Variants in MXRA8 observed in about 807,000 individuals in gnomAD.
The protein encoded by MXRA8 is matrix remodeling associated 8.
A neutral mutation model predicts 51.4 loss-of-function variants in MXRA8; 44 were observed. That is an observed-to-expected ratio of 0.86 (90% CI 0.67 to 1.10). MXRA8 has a LOEUF of 1.10. Among genes scored for constraint, MXRA8 ranks in the 50% least tolerant of loss-of-function variants. MXRA8 has a pLI of 0.00. For synonymous variants in MXRA8, 369 were observed against 293.5 expected (o/e 1.26, Z -2.63); for missense variants, 765 against 638.9 (o/e 1.20, Z -2.13).
chr1:1,354,811 G>A lies in MXRA8; in HGVS notation c.820C>T (p.Leu274=), dbSNP rs760888602. The A allele has an allele frequency of 1.2e-6, 2 of 1,612,154 alleles. No individual in the cohort carries two copies. The highest frequency in any genetic ancestry group is 2.7e-5 in the African/African-American group (2 of 74,916). The change falls in exon 5 of 10, where the codon CTG becomes TTG. Residue 274 remains leucine (L), a synonymous_variant. Coordinates refer to ENST00000309212, the MANE Select transcript of MXRA8 (RefSeq NM_032348.4). ...VADEGTYSCH[L]HHHYCGLHER... ...TGCAGGCCACAGTAATGGTGGTGCA[G>A]GTGGCAGGAGTAGGTGCCCTCGTCG...
upstream of MXRA8, chr1:1,358,761 G>T: frequency 7.9e-7 from 1 of 1,270,352 alleles, no homozygotes; most frequent in Non-Finnish European, 1.0e-6. Flanking sequence ...GGTGGTGACC[G>T]CACCCTTGGA....
At chr1:1,355,997 A>G (rs1291384969) in intron 2 of MXRA8, among the ~76,000 whole-genome samples, 1 of 12,042 alleles carries the variant, frequency 8.3e-5, no homozygotes, top group African/African-American at 3.9e-4. Context: ...GGGAGGGTGA[A>G]TCAGTGGGGG....
upstream of MXRA8, among the ~76,000 whole-genome samples, chr1:1,360,507 T>TGGGCGGGGTGGGGGGC (rs75605518): frequency 2.7e-5 from 4 of 147,740 alleles, no homozygotes; most frequent in Non-Finnish European, 6.0e-5. Context: ...CGCTGGGGGG[T>TGGGCGGGGTGGGGGGC]GGTCTGCAGA....
Position 1,353,429 on chromosome 1 carries a change from A to C in MXRA8, c.*175T>G. On this transcript the variant is annotated 3_prime_UTR_variant, in exon 10 of 10. Coordinates refer to ENST00000309212, the MANE Select transcript of MXRA8 (RefSeq NM_032348.4). ...CCGCAGGGGTGGGGGCTATGCTGCC[A>C]CCAAGCCCCTGGGAGAGGGGTGTGG... 6.6e-7 allele frequency: 1 copy of C among 1,513,456 alleles called. No individual in the cohort carries two copies. Among genetic ancestry groups the C allele is most frequent in the Non-Finnish European group, 8.9e-7 (1 of 1,127,232 alleles). The allele number at this position is 1,513,456 out of a possible 1,614,324, so 93.8% of individuals were successfully genotyped here.
chr1:1,361,061 T>C (rs572077331), upstream of MXRA8, among the ~76,000 whole-genome samples: 3 of 144,178 alleles, frequency 2.1e-5, no homozygotes, highest in African/African-American at 5.3e-5. Flanking sequence ...CACAGATACA[T>C]GGAAACACGA....
chr1:1,363,393 G>C (rs903062206), upstream of MXRA8, among the ~76,000 whole-genome samples: 1 of 151,648 alleles, frequency 6.6e-6, no homozygotes, highest in African/African-American at 2.4e-5. Flanking sequence ...GCGATCCTCG[G>C]CCTCTCAAAG....
chr1:1,359,988 A>G (rs1011852569), upstream of MXRA8, among the ~76,000 whole-genome samples: 1 of 152,176 alleles, frequency 6.6e-6, no homozygotes, highest in Non-Finnish European at 1.5e-5. Flanking sequence ...TGGCCTCTGC[A>G]GTCTCTGTCT....
chr1:1,362,255 G>A (rs2649612), upstream of MXRA8, among the ~76,000 whole-genome samples: 147,822 of 152,340 alleles, frequency 0.97, 71,762 homozygotes, highest in African/African-American at 0.99. Context: ...ACAGAGTCAG[G>A]ACACTGCTGA....
intron 6 of MXRA8, 21 bp downstream of exon 6, chr1:1,354,333 G>C (rs756657973): frequency 6.2e-7 from 1 of 1,605,020 alleles, no homozygotes; most frequent in Admixed American, 1.7e-5. Context: ...GGGGCCGCTG[G>C]CTTTGCCGGG....
upstream of MXRA8, among the ~76,000 whole-genome samples, chr1:1,361,025 CAT>C (rs1339755789): frequency 1.1e-4 from 17 of 151,396 alleles, no homozygotes; most frequent in Non-Finnish European, 1.8e-4. Context: ...GACACATACA[CAT>C]GCATGCACAT....
chr1:1,361,016 A>T (rs1644215541), upstream of MXRA8, among the ~76,000 whole-genome samples: 1 of 147,718 alleles, frequency 6.8e-6, no homozygotes, highest in Admixed American at 6.6e-5. Flanking sequence ...GAAGACACAG[A>T]CACATACACA....
upstream of MXRA8, among the ~76,000 whole-genome samples, chr1:1,360,875 AAGACACACATGG>A (rs373395640): frequency 0.013 from 2,009 of 151,776 alleles, 66 homozygotes; most frequent in African/African-American, 0.046. Flanking sequence ...CACACACACA[AAGACACACATGG>A]AGACACACAG....
upstream of MXRA8, among the ~76,000 whole-genome samples, chr1:1,362,780 CAAAAAAA>C (rs70949575): frequency 7.1e-6 from 1 of 141,086 alleles, no homozygotes; most frequent in Non-Finnish European, 1.5e-5. Context: ...GACTCCATCT[CAAAAAAA>C]AAAAAAAAAA....
At chr1:1,361,151 C>A (rs765454915), upstream of MXRA8, 12 of 695,098 alleles carry the variant, frequency 1.7e-5, no homozygotes, top group Non-Finnish European at 2.9e-5. Context: ...AGAGAAGATA[C>A]ACGGAAACAC....
intron 5 of MXRA8, 42 bp downstream of exon 5, chr1:1,354,640 G>A (rs767585506): frequency 1.3e-6 from 2 of 1,537,836 alleles, no homozygotes; most frequent in Non-Finnish European, 1.7e-6. Flanking sequence ...CCCCGGTGGG[G>A]TGGGCTCCCG....
upstream of MXRA8, chr1:1,358,615 G>A (rs1289935458): frequency 2.9e-5 from 43 of 1,472,676 alleles, no homozygotes. Context: ...ACGGAGGCCT[G>A]GGCCTGTCTA....
Position 1,354,933 on chromosome 1 carries a change from G to C in MXRA8, c.698C>G (p.Ala233Gly). The C allele has an allele frequency of 6.2e-7, 1 of 1,604,870 alleles. No individual in the cohort carries two copies. The highest frequency in any genetic ancestry group is 2.2e-5 in the East Asian group (1 of 44,576). ...LDLYASGERR[A>G]YGPLFLRDRV... is the part of the protein sequence containing the mutation. ...GTCGCGCAGAAAAAGGGGCCCGTAG[G>C]CGCGGCGCTCGCCCGACGCGTAGAG... Residue 233 changes from alanine (A) to glycine (G), a missense_variant, in exon 5 of 10, where the codon GCC (alanine) becomes GGC (glycine). By Grantham distance (60) the Ala-to-Gly change is moderately conservative. Coordinates refer to ENST00000309212, the MANE Select transcript of MXRA8 (RefSeq NM_032348.4).
At chr1:1,361,558 C>G (rs1355353355), upstream of MXRA8, 1 of 505,618 alleles carries the variant, frequency 2.0e-6, no homozygotes, top group South Asian at 2.1e-5. Flanking sequence ...GGCGGGGCTG[C>G]CAGGAGTGGT....
intron 5 of MXRA8, 33 bp downstream of exon 5, chr1:1,354,649 C>T: frequency 6.5e-7 from 1 of 1,539,692 alleles, no homozygotes; most frequent in Non-Finnish European, 8.7e-7. Flanking sequence ...GGTGGGCTCC[C>T]GCCTTCCCGG....
Sources: gnomAD v4.1 joint callset for allele counts (sites outside exome capture counted in the v4.1 genomes callset) on GRCh38, gnomAD v4.1.1 for gene constraint, MANE v1.5 for transcripts, NCBI Gene and HGNC (gene_info 2026-07-23, HGNC 2026-07-21) for gene names.